The following PCDHGA1 variants were observed in gnomAD, a reference collection of about 807,000 sequenced individuals.
PCDHGA1 encodes the protein protocadherin gamma subfamily A, 1.
PCDHGA1 carries 32 observed loss-of-function variants against 58.0 expected under a neutral mutation model. The ratio of observed to expected loss-of-function variants is 0.55; its 90% CI spans 0.42 to 0.74. The LOEUF (loss-of-function observed/expected upper bound fraction) is 0.74. PCDHGA1 is among the 30% of genes least tolerant of loss of function. PCDHGA1 has a pLI of 0.00. For synonymous variants in PCDHGA1, 498 were observed against 501.1 expected (o/e 0.99, Z 0.08); for missense variants, 1,205 against 1,182.3 (o/e 1.02, Z -0.28).
At chr5:141,350,535 T>C in intron 1 of PCDHGA1, 1 of 1,613,978 alleles carries the variant, frequency 6.2e-7, no homozygotes, top group South Asian at 1.1e-5. Context: ...CGAGAGAAGA[T>C]TTGCGGAAGG....
chr5:141,404,919 C>T, intron 1 of PCDHGA1: 1 of 1,613,924 alleles, frequency 6.2e-7, no homozygotes, highest in Non-Finnish European at 8.5e-7. Context: ...CCTCTCTCGG[C>T]CACTGTCACG....
intron 1 of PCDHGA1, chr5:141,374,829 T>A: frequency 1.2e-6 from 2 of 1,613,956 alleles, no homozygotes; most frequent in South Asian, 1.1e-5. Flanking sequence ...GTCTACCGTG[T>A]AAGTGTTCCT....
At position 141,490,169 on chromosome 5, in the gene PCDHGA1, T is replaced by C; in HGVS notation, c.2422-4638T>C. ...ATCCATGTGTTGGGTCCCATAGACT[T>C]TGAGGAGTCACGTTTCTATGAAATT... On this transcript the variant is annotated intron_variant, in intron 1 of 3. Transcript: ENST00000517417. This position sits in a 1 kb window ranked among gnomAD's most constrained non-coding sequence, Gnocchi z 5.4. 6.2e-7 allele frequency: 1 copy of C among 1,614,190 alleles called. No individual in the cohort carries two copies. The highest frequency in any genetic ancestry group is 8.5e-7 in the Non-Finnish European group (1 of 1,180,018).
chr5:141,470,035 G>A lies in PCDHGA1; in HGVS notation c.2422-24772G>A, dbSNP rs761812438. ...TCCCAGCTACTCGGGATGCTGAGGC[G>A]CGAGAACTGTTTGAACCCCGGAGGC... On this transcript the variant is annotated intron_variant, in intron 1 of 3. Transcript: ENST00000517417. Among the ~76,000 whole-genome samples, 97 of 152,224 alleles carry A rather than the reference G, an allele frequency of 6.4e-4. 2 individuals carry two copies. Among genetic ancestry groups the A allele is most frequent in the East Asian group, 1.2e-3 (6 of 5,170 alleles).
At chr5:141,414,310 G>A in intron 1 of PCDHGA1, 1 of 1,613,722 alleles carries the variant, frequency 6.2e-7, no homozygotes, top group South Asian at 1.1e-5. Context: ...GCATGATTTA[G>A]ACTCTGAGCA....
intron 1 of PCDHGA1, chr5:141,419,444 G>A: frequency 6.2e-7 from 1 of 1,613,088 alleles, no homozygotes; most frequent in Non-Finnish European, 8.5e-7. Context: ...GCGCACCTTC[G>A]AGCTCACGCT....
Position 141,491,445 on chromosome 5 carries a change from C to G in PCDHGA1, c.2422-3362C>G. ...GAGGGCAGTGCTGCAGGCGCCAGGACTCACCCTCCCCGGACTTCTATAAGC... is the reference window on the plus strand; with the variant it reads ...GAGGGCAGTGCTGCAGGCGCCAGGAGTCACCCTCCCCGGACTTCTATAAGC... On this transcript the variant is annotated intron_variant, in intron 1 of 3. Coordinates refer to ENST00000517417, the MANE Select transcript of PCDHGA1 (RefSeq NM_018912.3). This position sits in a 1 kb window ranked among gnomAD's most constrained non-coding sequence, Gnocchi z 6.9. 6.2e-7 allele frequency: 1 copy of G among 1,614,112 alleles called. No individual in the cohort carries two copies. Among genetic ancestry groups the G allele is most frequent in the Non-Finnish European group, 8.5e-7 (1 of 1,180,032 alleles).
chr5:141,346,396 G>A (rs201078369), intron 1 of PCDHGA1: 1 of 1,614,262 alleles, frequency 6.2e-7, no homozygotes, highest in Admixed American at 1.7e-5. Context: ...TGTGAGAAAA[G>A]CGAGCCTCTT....
intron 1 of PCDHGA1, chr5:141,372,330 G>C (rs764870915): frequency 1.9e-5 from 31 of 1,613,614 alleles, no homozygotes; most frequent in Non-Finnish European, 2.5e-5. Flanking sequence ...GCTGGTCACT[G>C]TGCGTGATGG....
At chr5:141,356,306 T>A (rs754194217) in intron 1 of PCDHGA1, 1 of 1,554,168 alleles carries the variant, frequency 6.4e-7, no homozygotes, top group Non-Finnish European at 8.7e-7. Flanking sequence ...ATTGCACTTT[T>A]CAACGTGCAT....
At chr5:141,454,000 T>C (rs1048921374) in intron 1 of PCDHGA1, among the ~76,000 whole-genome samples, 2 of 152,214 alleles carry the variant, frequency 1.3e-5, no homozygotes, top group African/African-American at 4.8e-5. Flanking sequence ...TAAACCCACA[T>C]AACATTTTAG....
In PCDHGA1 at chr5:141,490,296, G is replaced by T; in HGVS notation, c.2422-4511G>T. The stretch of plus-strand genomic sequence containing the variant: ...ATGACAATGCCCCAGAGGTGCTATT[G>T]GCCTCTTTGGCCAACCCTGTCCTAG... On this transcript the variant is annotated intron_variant, in intron 1 of 3. Coordinates refer to ENST00000517417, the MANE Select transcript of PCDHGA1 (RefSeq NM_018912.3). This position sits in a 1 kb window ranked among gnomAD's most constrained non-coding sequence, Gnocchi z 5.4. 6.2e-7 allele frequency: 1 copy of T among 1,614,184 alleles called. No homozygotes were observed. Among genetic ancestry groups the T allele is most frequent in the South Asian group, 1.1e-5 (1 of 91,084 alleles).
At chr5:141,440,859 T>C (rs1272611201) in intron 1 of PCDHGA1, 1 of 152,076 alleles carries the variant, frequency 6.6e-6, no homozygotes, top group Non-Finnish European at 1.5e-5. Context: ...CCTGTGTTCA[T>C]CTAGGATGTG....
At position 141,476,112 on chromosome 5, in the gene PCDHGA1, G is replaced by A. The variant is rs1201449171; in HGVS notation, c.2422-18695G>A. 2.5e-6 allele frequency: 4 copies of A among 1,590,646 alleles called. No homozygotes were observed. Among genetic ancestry groups the A allele is most frequent in the Non-Finnish European group, 2.6e-6 (3 of 1,170,830 alleles). ...CCCCGCTGAGAGGAACTGCTTTTGA[G>A]TGAGATGGTCCCAGAGGCCTGGAGG... On this transcript the variant is annotated intron_variant, in intron 1 of 3. Transcript: ENST00000517417. The surrounding 1 kb of genome is among the most constrained non-coding windows in gnomAD (Gnocchi z 7.6).
At chr5:141,434,331 T>C (rs1271938024) in intron 1 of PCDHGA1, among the ~76,000 whole-genome samples, 3 of 152,186 alleles carry the variant, frequency 2.0e-5, no homozygotes, top group Non-Finnish European at 4.4e-5. Context: ...GCTTGTCTCT[T>C]TGTGTCGGGA....
In PCDHGA1 at chr5:141,476,839, G is replaced by T; in HGVS notation, c.2422-17968G>T. The T allele has an allele frequency of 1.9e-6, 3 of 1,613,610 alleles. No individual in the cohort carries two copies. Among genetic ancestry groups the T allele is most frequent in the East Asian group, 2.2e-5 (1 of 44,862 alleles). ...AGGTGCTGGACGCGAATGACAATGC[G>T]CCTGTCTTCAACCAGTCCTTGTACC... On this transcript the variant is annotated intron_variant, in intron 1 of 3. Coordinates refer to ENST00000517417, the MANE Select transcript of PCDHGA1 (RefSeq NM_018912.3). This position sits in a 1 kb window ranked among gnomAD's most constrained non-coding sequence, Gnocchi z 7.6.
chr5:141,415,758 T>TG, intron 1 of PCDHGA1: 1 of 1,381,742 alleles, frequency 7.2e-7, no homozygotes, highest in South Asian at 1.7e-5. Context: ...TTTTTTTTTT[T>TG]TTTTTTTTTT....
At chr5:141,338,819 G>A (rs762766737) in intron 1 of PCDHGA1, 13 of 1,386,916 alleles carry the variant, frequency 9.4e-6, no homozygotes, top group African/African-American at 1.4e-5. Context: ...AAAGCTTCAG[G>A]ACACCAAAGA....
Position 141,432,298 on chromosome 5 carries a change from A to T in PCDHGA1, c.2422-62509A>T. Reference sequence around the variant, plus strand: ...TGTCCATCAACTCCGACACTGGGGTACTGTATGCGCTGAGCTCCTTCGACT... The same window carrying T: ...TGTCCATCAACTCCGACACTGGGGTTCTGTATGCGCTGAGCTCCTTCGACT... On this transcript the variant is annotated intron_variant, in intron 1 of 3. Transcript: ENST00000517417. The surrounding 1 kb of genome is among the most constrained non-coding windows in gnomAD (Gnocchi z 6.0). The T allele has an allele frequency of 6.2e-7, 1 of 1,614,236 alleles. No homozygotes were observed. Among genetic ancestry groups the T allele is most frequent in the Non-Finnish European group, 8.5e-7 (1 of 1,180,036 alleles).
Sources: gnomAD v4.1 joint callset for allele counts (sites outside exome capture counted in the v4.1 genomes callset) on GRCh38, gnomAD v4.1.1 for gene constraint, Gnocchi (gnomAD v3.1) non-coding constraint, MANE v1.5 for transcripts, NCBI Gene and HGNC (gene_info 2026-07-23, HGNC 2026-07-21) for gene names.